The following ZNF268 variants were observed in gnomAD, a reference collection of about 807,000 sequenced individuals.
ZNF268 encodes zinc finger protein 268, also known as zinc finger protein 3.
A neutral mutation model predicts 29.3 loss-of-function variants in ZNF268; 20 were observed. That is an observed-to-expected ratio of 0.68 (90% CI 0.48 to 0.99). The LOEUF is 0.99. Among genes scored for constraint, ZNF268 ranks in the 50% least tolerant of loss-of-function variants. The probability of loss-of-function intolerance (pLI) is 0.00; values close to 1 mark genes in which losing one functional copy is unlikely to be tolerated. For missense variants in ZNF268, 1,240 were observed against 1,121.6 expected (o/e 1.11, Z -1.51); for synonymous variants, 429 against 376.9 (o/e 1.14, Z -1.60).
chr12:133,203,260 A>G lies in ZNF268; in HGVS notation c.1574A>G (p.Glu525Gly). The G allele has an allele frequency of 6.5e-7, 1 of 1,538,442 alleles. No homozygotes were observed. Among genetic ancestry groups the G allele is most frequent in the Non-Finnish European group, 8.7e-7 (1 of 1,147,040 alleles). The change falls in exon 6 of 6, where the codon GAA becomes GGA. Residue 525 changes from glutamate (E) to glycine (G), a missense_variant. Glu to Gly is a moderately conservative substitution (Grantham distance 98). This residue lies in a region of ZNF268 where 1,177 missense variants were observed against 1,039.6 expected (regional missense o/e 1.13). Transcript: ENST00000536435. Reference protein sequence around the residue: ...LIIHTRTHTGEKLHECNNCGK... With the variant: ...LIIHTRTHTGGKLHECNNCGK... The stretch of plus-strand genomic sequence containing the variant: ...ATACATACAAGGACTCATACAGGAG[A>G]AAAACTCCATGAATGCAACAATTGT...
rs767999862 is a variant in ZNF268, at chr12:133,204,078, C to T, written c.2392C>T (p.His798Tyr). 2.6e-6 allele frequency: 4 copies of T among 1,553,270 alleles called. No homozygotes were observed. Among genetic ancestry groups the T allele is most frequent in the Non-Finnish European group, 3.5e-6 (4 of 1,151,876 alleles). The change falls in exon 6 of 6, where the codon CAC (histidine) becomes TAC (tyrosine). Residue 798 changes from histidine to tyrosine, a missense_variant. Coordinates refer to ENST00000536435, the MANE Select transcript of ZNF268 (RefSeq NM_003415.3). Reference protein sequence around the residue: ...AFSSKSYLIIHMRTHSGEKPY... With the variant: ...AFSSKSYLIIYMRTHSGEKPY... Reference sequence around the variant, plus strand: ...TAGCAGCAAGTCATACCTAATTATACACATGAGAACTCATTCAGGTGAAAA... The same window carrying T: ...TAGCAGCAAGTCATACCTAATTATATACATGAGAACTCATTCAGGTGAAAA...
At position 133,207,162 on chromosome 12, in the gene ZNF268, A is replaced by T. The variant is rs556728573; in HGVS notation, c.*2632A>T. The T allele has an allele frequency of 6.6e-6, 1 of 152,352 alleles. No homozygotes were observed. The highest frequency in any genetic ancestry group is 6.5e-5 in the Admixed American group (1 of 15,308). 9.4% of individuals were successfully genotyped at this position (152,352 alleles called of 1,614,324 possible). ...TCTAGTCCTTCTACCCCAGCCCCAG[A>T]AAAGAAAGACATTCCAGAGACTTTT... On this transcript the variant is annotated 3_prime_UTR_variant, in exon 6 of 6. Transcript: ENST00000536435.
chr12:133,211,413 C>T lies in ZNF268; in HGVS notation c.*6883C>T. ...CCTGACCAACATGGAGAAACCCTGT[C>T]TCTACTAAAAATACAAAATTAGCCA... On this transcript the variant is annotated 3_prime_UTR_variant, in exon 6 of 6. Transcript: ENST00000536435. 1 of 221,506 alleles carries T rather than the reference C, an allele frequency of 4.5e-6. No homozygotes were observed. Among genetic ancestry groups the T allele is most frequent in the Admixed American group, 5.3e-5 (1 of 18,816 alleles). 13.7% of individuals were successfully genotyped at this position (221,506 alleles called of 1,614,324 possible).
At chr12:133,196,018 C>A (rs1256142999) in intron 5 of ZNF268, among the ~76,000 whole-genome samples, 1 of 131,722 alleles carries the variant, frequency 7.6e-6, no homozygotes, top group African/African-American at 2.9e-5. Flanking sequence ...CCAACCCTGT[C>A]TCTTTAAAAA....
rs187796166 is a variant in ZNF268 at position 133,208,139 on chromosome 12, G to A, written c.*3609G>A. The A allele has an allele frequency of 0.011, 1,738 of 152,164 alleles. 14 individuals are homozygous for A. Among genetic ancestry groups the A allele is most frequent in the Non-Finnish European group, 0.017 (1,167 of 68,008 alleles). 9.4% of individuals were successfully genotyped at this position (152,164 alleles called of 1,614,324 possible). The stretch of plus-strand genomic sequence containing the variant: ...AGGCTGGAGGATTGCTGGAACCCAG[G>A]AGTTCGAGACAAGCCTGACCAATAT... On this transcript the variant is annotated 3_prime_UTR_variant, in exon 6 of 6. Transcript: ENST00000536435.
At chr12:133,190,567 G>A (rs11147288) in intron 3 of ZNF268, among the ~76,000 whole-genome samples, 29,452 of 152,128 alleles carry the variant, frequency 0.19, 3,651 homozygotes, top group Non-Finnish European at 0.27. Flanking sequence ...AGCATGCTTT[G>A]TATGCTCATT....
chr12:133,194,976 G>T (rs1956560412), intron 5 of ZNF268, among the ~76,000 whole-genome samples: 1 of 66,388 alleles, frequency 1.5e-5, no homozygotes, highest in Non-Finnish European at 3.4e-5. Context: ...GTTCTTTATG[G>T]TCTATAGACC....
At chr12:133,183,002 C>T (rs1956216941) in intron 2 of ZNF268, among the ~76,000 whole-genome samples, 1 of 152,150 alleles carries the variant, frequency 6.6e-6, no homozygotes, top group South Asian at 2.1e-4. Flanking sequence ...AGCATGACTG[C>T]CGGAGCCCCG....
chr12:133,196,691 T>C (rs1956607280), intron 5 of ZNF268, among the ~76,000 whole-genome samples: 1 of 152,224 alleles, frequency 6.6e-6, no homozygotes, highest in Non-Finnish European at 1.5e-5. Flanking sequence ...TGGCCTATTT[T>C]CATTTTGTTG....
Position 133,203,040 on chromosome 12 carries a change from G to A in ZNF268, c.1354G>A (p.Ala452Thr). The A allele has an allele frequency of 2.6e-6, 4 of 1,541,044 alleles. No individual in the cohort carries two copies. Among genetic ancestry groups the A allele is most frequent in the Non-Finnish European group, 3.5e-6 (4 of 1,148,616 alleles). Residue 452 changes from alanine (A) to threonine (T), a missense_variant, in exon 6 of 6, where the codon GCC (alanine) becomes ACC (threonine). By Grantham distance (58) the Ala-to-Thr change is moderately conservative. This residue lies in a region of ZNF268 where 1,177 missense variants were observed against 1,039.6 expected (regional missense o/e 1.13). Coordinates refer to ENST00000536435, the MANE Select transcript of ZNF268 (RefSeq NM_003415.3). ...TTATGTTTGTAGTGATTGTGGAAAA[G>A]CCTTTACATTCAAGTCACAGCTCAT... ...KPYVCSDCGK[A>T]FTFKSQLIVH...
chr12:133,182,284 C>CA, intron 2 of ZNF268, among the ~76,000 whole-genome samples: 1 of 152,348 alleles, frequency 6.6e-6, no homozygotes, highest in South Asian at 2.1e-4. Flanking sequence ...AAGGGATACT[C>CA]ACACATCTTT....
Position 133,203,804 on chromosome 12 carries a change from G to A in ZNF268, c.2118G>A (p.Arg706=). The A allele has an allele frequency of 6.4e-7, 1 of 1,562,044 alleles. No homozygotes were observed. The highest frequency in any genetic ancestry group is 1.4e-5 in the African/African-American group (1 of 73,254). ...YGCSECGKAF[R]SKSYLIIHMR... Reference sequence around the variant, plus strand: ...GCAGTGAGTGTGGGAAAGCCTTCAGGAGCAAGTCATACCTTATTATACATA... The same window carrying A: ...GCAGTGAGTGTGGGAAAGCCTTCAGAAGCAAGTCATACCTTATTATACATA... Residue 706 remains arginine (R), a synonymous_variant, in exon 6 of 6, where the codon AGG becomes AGA. Transcript: ENST00000536435.
In ZNF268 at chr12:133,196,319, T is replaced by TA. The variant is rs58218652; in HGVS notation, c.457+4337dup. On this transcript the variant is annotated intron_variant, in intron 5 of 5. Coordinates refer to ENST00000536435, the MANE Select transcript of ZNF268 (RefSeq NM_003415.3). ...CCTGGCGACAGAGTGAGACTCCATC[T>TA]AAAAAAAAAAAAAAAAAAAAAGCCT... is the stretch of plus-strand genomic sequence containing the variant. Among the ~76,000 whole-genome samples, 741 of 100,860 alleles carry TA rather than the reference T, an allele frequency of 7.3e-3. 7 individuals carry two copies. Among genetic ancestry groups the TA allele is most frequent in the East Asian group, 0.014 (39 of 2,728 alleles). The allele number at this position is 100,860 out of a possible 152,430, so 66.2% of individuals were successfully genotyped here.
chr12:133,196,828 GT>G (rs1203587057), intron 5 of ZNF268, among the ~76,000 whole-genome samples: 1 of 152,168 alleles, frequency 6.6e-6, no homozygotes, highest in African/African-American at 2.4e-5. Flanking sequence ...GGGAATTGAT[GT>G]TTGGGGAGAT....
At position 133,206,032 on chromosome 12, in the gene ZNF268, CTT is replaced by C. The variant is rs1016335106; in HGVS notation, c.*1505_*1506del. On this transcript the variant is annotated 3_prime_UTR_variant, in exon 6 of 6. Coordinates refer to ENST00000536435, the MANE Select transcript of ZNF268 (RefSeq NM_003415.3). ...CATTTTCTTAACTTTGTTCACTTGT[CTT>C]TTATTTTGAGCTATTGGGTGTGCTT... The C allele has an allele frequency of 6.6e-6, 1 of 152,148 alleles. No homozygotes were observed. The highest frequency in any genetic ancestry group is 1.5e-5 in the Non-Finnish European group (1 of 68,034). 9.4% of individuals were successfully genotyped at this position (152,148 alleles called of 1,614,324 possible).
rs537869046 is a variant in ZNF268, at chr12:133,198,831, CTGTT to C, written c.458-3309_458-3306del. On this transcript the variant is annotated intron_variant, in intron 5 of 5. Transcript: ENST00000536435. ...GGGAGTTCACTCATGATTTGGCTCT[CTGTT>C]TGTCTGTTATTGGTGTATAAGAATG... is the stretch of plus-strand genomic sequence containing the variant. Among the ~76,000 whole-genome samples the C allele has an allele frequency of 8.9e-3, 1,324 of 148,550 alleles. 14 individuals carry two copies. The highest frequency in any genetic ancestry group is 0.032 in the African/African-American group (1,274 of 39,494).
rs1956931632 is a variant in ZNF268 at position 133,208,109 on chromosome 12, G to C, written c.*3579G>C. On this transcript the variant is annotated 3_prime_UTR_variant, in exon 6 of 6. Coordinates refer to ENST00000536435, the MANE Select transcript of ZNF268 (RefSeq NM_003415.3). ...TCCATGTAATACCAGCACTTGGGAAGGCTGAGGCTGGAGGATTGCTGGAAC... is the reference window on the plus strand; with the variant it reads ...TCCATGTAATACCAGCACTTGGGAACGCTGAGGCTGGAGGATTGCTGGAAC... 6.6e-6 allele frequency: 1 copy of C among 152,180 alleles called. No homozygotes were observed. The highest frequency in any genetic ancestry group is 2.1e-4 in the South Asian group (1 of 4,830). 9.4% of individuals were successfully genotyped at this position (152,180 alleles called of 1,614,324 possible).
intron 2 of ZNF268, among the ~76,000 whole-genome samples, chr12:133,183,688 A>G (rs1270839755): frequency 6.6e-6 from 1 of 152,064 alleles, no homozygotes; most frequent in Non-Finnish European, 1.5e-5. Context: ...TAGAGGGGGA[A>G]GATTTCAGTT....
rs1220727540 is a variant in ZNF268, at chr12:133,204,820, CGTT to C, written c.*293_*295del. ...CATACAGGTGAGGAACCATGTTAAA[CGTT>C]GTAAAGTCATTTTACTAAAATAAGA... On this transcript the variant is annotated 3_prime_UTR_variant, in exon 6 of 6. Transcript: ENST00000536435. The C allele has an allele frequency of 7.2e-6, 2 of 279,276 alleles. No individual in the cohort carries two copies. Among genetic ancestry groups the C allele is most frequent in the East Asian group, 1.2e-4 (2 of 16,214 alleles). 17.3% of individuals were successfully genotyped at this position (279,276 alleles called of 1,614,324 possible). A position where few individuals can be genotyped will look rare whatever the true frequency, so the allele number is the denominator to read the frequency against.
Sources: gnomAD v4.1 joint callset for allele counts (sites outside exome capture counted in the v4.1 genomes callset) on GRCh38, gnomAD v4.1.1 for gene constraint, gnomAD v4.1.1 regional missense constraint, MANE v1.5 for transcripts, NCBI Gene and HGNC (gene_info 2026-07-23, HGNC 2026-07-21) for gene names.